IKZF2: variants seen among roughly 807,000 people sequenced by gnomAD.
The protein encoded by IKZF2 is IKAROS family zinc finger 2.
A neutral mutation model predicts 49.2 loss-of-function variants in IKZF2; 15 were observed. The observed-to-expected ratio is 0.30, with a 90% confidence interval of 0.20 to 0.47. The LOEUF is 0.47. Among genes scored for constraint, IKZF2 ranks in the 20% least tolerant of loss-of-function variants. IKZF2 has a pLI of 1.00. For synonymous variants in IKZF2, 227 were observed against 221.4 expected, an observed-to-expected ratio of 1.03 and a Z score of -0.23; for missense variants, 567 against 664.6, an observed-to-expected ratio of 0.85 and a Z score of 1.61.
intron 4 of IKZF2, among the ~76,000 whole-genome samples, chr2:213,076,445 G>A (rs1703270112): frequency 6.6e-6 from 1 of 152,040 alleles, no homozygotes; most frequent in Non-Finnish European, 1.5e-5. Context: ...ATTAAACATG[G>A]TGGTTTGCGA....
chr2:213,092,484 G>A (rs1705462596), intron 4 of IKZF2, among the ~76,000 whole-genome samples: 1 of 152,030 alleles, frequency 6.6e-6, no homozygotes, highest in Non-Finnish European at 1.5e-5. Context: ...GCAGAGAGTT[G>A]GTAAACCATA....
chr2:213,121,873 T>TA (rs2060068990), intron 4 of IKZF2, among the ~76,000 whole-genome samples: 1 of 152,248 alleles, frequency 6.6e-6, no homozygotes. Flanking sequence ...TGTCAACAGA[T>TA]GCACAAACTC....
At chr2:213,145,763 A>C (rs528560560) in intron 4 of IKZF2, among the ~76,000 whole-genome samples, 11 of 152,168 alleles carry the variant, frequency 7.2e-5, no homozygotes, top group Non-Finnish European at 1.2e-4. Flanking sequence ...TTAACCTGCA[A>C]CTCTTTGGAA....
intron 4 of IKZF2, among the ~76,000 whole-genome samples, chr2:213,104,391 C>T (rs2059453907): frequency 6.6e-6 from 1 of 152,168 alleles, no homozygotes. Flanking sequence ...CATCCTAACT[C>T]GCCTATGTTC....
chr2:213,003,971 T>C lies in IKZF2; in HGVS notation c.*3389A>G, dbSNP rs1695117121. 1 of 151,858 alleles carries C rather than the reference T, an allele frequency of 6.6e-6. No individual in the cohort carries two copies. The highest frequency in any genetic ancestry group is 1.5e-5 in the Non-Finnish European group (1 of 67,810). 9.4% of individuals were successfully genotyped at this position (151,858 alleles called of 1,614,324 possible). A position where few individuals can be genotyped will look rare whatever the true frequency, so the allele number is the denominator to read the frequency against. ...AGTAGATAATAAGGACCCAAAGTTT[T>C]AGTTTAAGAGTTGCCACTGGTCCTA... On this transcript the variant is annotated 3_prime_UTR_variant, in exon 9 of 9. Coordinates refer to ENST00000434687, the MANE Select transcript of IKZF2 (RefSeq NM_001387220.1).
chr2:213,015,763 A>G (rs1696511364), intron 7 of IKZF2, among the ~76,000 whole-genome samples: 1 of 152,078 alleles, frequency 6.6e-6, no homozygotes, highest in African/African-American at 2.4e-5. Flanking sequence ...ATCCAAAATG[A>G]AAGAATTTGG....
chr2:213,028,667 G>A (rs1698074626), intron 6 of IKZF2, among the ~76,000 whole-genome samples: 1 of 151,974 alleles, frequency 6.6e-6, no homozygotes, highest in African/African-American at 2.4e-5. Flanking sequence ...ATGTCCAACT[G>A]TTCATTCCTA....
intron 4 of IKZF2, among the ~76,000 whole-genome samples, chr2:213,089,019 T>G (rs958227851): frequency 6.6e-6 from 1 of 152,126 alleles, no homozygotes; most frequent in African/African-American, 2.4e-5. Flanking sequence ...TGCAGGAGCA[T>G]CCTGGCTCTC....
chr2:213,095,174 A>G (rs1705828581), intron 4 of IKZF2, among the ~76,000 whole-genome samples: 2 of 152,198 alleles, frequency 1.3e-5, no homozygotes, highest in African/African-American at 4.8e-5. Flanking sequence ...CTCTTTAAGT[A>G]AGTGAACATT....
chr2:213,069,107 G>A (rs556931749), intron 4 of IKZF2, among the ~76,000 whole-genome samples: 187 of 152,146 alleles, frequency 1.2e-3, no homozygotes, highest in African/African-American at 4.2e-3. Context: ...TATGGCTTGC[G>A]GCTGTTTGGG....
intron 4 of IKZF2, among the ~76,000 whole-genome samples, chr2:213,098,737 T>C (rs562279749): frequency 2.2e-4 from 33 of 152,260 alleles, no homozygotes; most frequent in Admixed American, 6.6e-4. Flanking sequence ...CAAAGCATTC[T>C]CTCACTCTGT....
In IKZF2 at chr2:213,057,053, C is replaced by T. The variant is rs1437303685; in HGVS notation, c.186G>A (p.Arg62=). 2.2e-5 allele frequency: 35 copies of T among 1,613,784 alleles called. No homozygotes were observed. Among genetic ancestry groups the T allele is most frequent in the Non-Finnish European group, 3.0e-5 (35 of 1,179,860 alleles). The change falls in exon 5 of 9, where the codon AGG becomes AGA. Residue 62 remains arginine (R), a synonymous_variant. Coordinates refer to ENST00000434687, the MANE Select transcript of IKZF2 (RefSeq NM_001387220.1). The part of the protein sequence containing the change: ...LEMQSDEECD[R]KPLSREDEIR... Reference sequence around the variant, plus strand: ...TCTCATCTTCACGGCTCAGGGGTTTCCTGTCACACTCTTCATCACTCTGCA... The same window carrying T: ...TCTCATCTTCACGGCTCAGGGGTTTTCTGTCACACTCTTCATCACTCTGCA...
chr2:213,121,029 ACTG>A (rs774100239), intron 4 of IKZF2, among the ~76,000 whole-genome samples: 18 of 152,194 alleles, frequency 1.2e-4, no homozygotes, highest in Non-Finnish European at 2.2e-4. Flanking sequence ...AAAATATTAA[ACTG>A]CTATTTAATT....
At chr2:213,125,782 G>A (rs2060240458) in intron 4 of IKZF2, among the ~76,000 whole-genome samples, 1 of 151,976 alleles carries the variant, frequency 6.6e-6, no homozygotes, top group Non-Finnish European at 1.5e-5. Context: ...TATCATCAGT[G>A]TATAAAGGTA....
At chr2:213,106,627 G>A (rs2059538421) in intron 4 of IKZF2, among the ~76,000 whole-genome samples, 1 of 143,468 alleles carries the variant, frequency 7.0e-6, no homozygotes, top group African/African-American at 2.5e-5. Flanking sequence ...GCGACAGAGT[G>A]AGGGAAACCC....
chr2:213,125,039 A>G (rs953271794), intron 4 of IKZF2, among the ~76,000 whole-genome samples: 1 of 152,244 alleles, frequency 6.6e-6, no homozygotes, highest in African/African-American at 2.4e-5. Flanking sequence ...GTTTCTTGAT[A>G]TAAGAATTCA....
rs532968510 is a variant in IKZF2, at chr2:213,142,499, T to G, written c.139+5209A>C. 3.3e-5 allele frequency among the ~76,000 whole-genome samples: 5 copies of G among 152,140 alleles called. No homozygotes were observed. The East Asian group carries it at 9.6e-4, about 29-fold the overall frequency. The stretch of plus-strand genomic sequence containing the variant: ...TGCTCTGAGTAATAGCAGCAGTGAT[T>G]ATTTATTGAGTCTTAGCATGTGCCA... On this transcript the variant is annotated intron_variant, in intron 4 of 8. Coordinates refer to ENST00000434687, the MANE Select transcript of IKZF2 (RefSeq NM_001387220.1).
chr2:213,031,238 T>C (rs1190516641), intron 6 of IKZF2, among the ~76,000 whole-genome samples: 1 of 152,236 alleles, frequency 6.6e-6, no homozygotes, highest in African/African-American at 2.4e-5. Flanking sequence ...GTCCACGTTC[T>C]AGGTGCTGTA....
chr2:213,090,295 A>G (rs936518880), intron 4 of IKZF2, among the ~76,000 whole-genome samples: 4 of 152,170 alleles, frequency 2.6e-5, no homozygotes, highest in African/African-American at 9.6e-5. Context: ...GAACTATCTC[A>G]ATCTGCTCAC....
Sources: gnomAD v4.1 joint callset for allele counts (sites outside exome capture counted in the v4.1 genomes callset) on GRCh38, gnomAD v4.1.1 for gene constraint, MANE v1.5 for transcripts, NCBI Gene and HGNC (gene_info 2026-07-23, HGNC 2026-07-21) for gene names.